The following ATAD1 variants were observed in gnomAD, a reference collection of about 807,000 sequenced individuals.
ATAD1 encodes outer mitochondrial transmembrane helix translocase.
In ATAD1, 18 loss-of-function variants were observed where a neutral mutation model predicts 42.7. The observed-to-expected ratio is 0.42, with a 90% CI of 0.29 to 0.63. The LOEUF is 0.63. ATAD1 is among the 20% of genes least tolerant of loss of function. The pLI, the probability that ATAD1 is intolerant of heterozygous loss-of-function variation, is 0.19. For synonymous variants in ATAD1, 132 were observed against 143.1 expected (o/e 0.92, Z 0.55); for missense variants, 294 against 440.4 (o/e 0.67, Z 2.98).
At chr10:87,804,258 T>G (rs947068381) in intron 2 of ATAD1, among the ~76,000 whole-genome samples, 1 of 152,344 alleles carries the variant, frequency 6.6e-6, no homozygotes, top group African/African-American at 2.4e-5. Context: ...TAGGAAGACG[T>G]TAAGTTAAAT....
At chr10:87,775,420 C>CAAAAAAAAAAAAA (rs35200026) in intron 6 of ATAD1, among the ~76,000 whole-genome samples, 1 of 24,058 alleles carries the variant, frequency 4.2e-5, no homozygotes, top group Non-Finnish European at 8.7e-5. Flanking sequence ...GACTCCATCT[C>CAAAAAAAAAAAAA]AAAAAAAAAA....
intron 2 of ATAD1, among the ~76,000 whole-genome samples, chr10:87,813,178 A>C (rs1857261778): frequency 6.6e-6 from 1 of 152,134 alleles, no homozygotes; most frequent in East Asian, 1.9e-4. Context: ...CTTAGAAGCC[A>C]AGGGGAAAAA....
intron 1 of ATAD1, among the ~76,000 whole-genome samples, chr10:87,835,884 C>T (rs1335174037): frequency 1.3e-5 from 2 of 152,074 alleles, no homozygotes; most frequent in Non-Finnish European, 2.9e-5. Flanking sequence ...TACTTAGAAT[C>T]AATATTTTAT....
Position 87,784,648 on chromosome 10 carries a change from T to C in ATAD1, c.405A>G (p.Pro135=), listed in dbSNP as rs768499078. Residue 135 remains proline (P), a synonymous_variant, in exon 5 of 10, where the codon CCA becomes CCG. Transcript: ENST00000680024. ...PPKGVLLYGP[P]GCGKTLIAKA... is the part of the protein sequence containing the mutation. The stretch of plus-strand genomic sequence containing the variant: ...TGGCAATCAACGTTTTACCACAGCC[T>C]GGAGGCCCATAGAGAAGAACACCTG... The C allele has an allele frequency of 1.2e-6, 2 of 1,612,784 alleles. No homozygotes were observed. The highest frequency in any genetic ancestry group is 2.7e-5 in the African/African-American group (2 of 74,894).
chr10:87,780,007 AG>A (rs1384060174), intron 5 of ATAD1, among the ~76,000 whole-genome samples: 1 of 152,340 alleles, frequency 6.6e-6, no homozygotes, highest in East Asian at 1.9e-4. Context: ...CTGTGTCCAC[AG>A]GAAAACCTAC....
chr10:87,782,897 T>C (rs538560619), intron 5 of ATAD1, among the ~76,000 whole-genome samples: 4 of 151,780 alleles, frequency 2.6e-5, no homozygotes, highest in Non-Finnish European at 4.4e-5. Context: ...ACTTGAAAGG[T>C]TGAGGCAGGA....
intron 2 of ATAD1, among the ~76,000 whole-genome samples, chr10:87,812,917 T>C (rs1290865306): frequency 6.6e-6 from 1 of 152,170 alleles, no homozygotes; most frequent in Non-Finnish European, 1.5e-5. Flanking sequence ...ACTACTATTT[T>C]CTCTAAGAGC....
upstream of ATAD1, among the ~76,000 whole-genome samples, chr10:87,819,805 A>T (rs933526308): frequency 6.6e-6 from 1 of 152,218 alleles, no homozygotes; most frequent in African/African-American, 2.4e-5. Context: ...TTTAAAATCT[A>T]GTTGAAAGTA....
At chr10:87,800,073 A>G (rs987019239) in intron 2 of ATAD1, among the ~76,000 whole-genome samples, 4 of 151,838 alleles carry the variant, frequency 2.6e-5, no homozygotes, top group Middle Eastern at 3.4e-3. Flanking sequence ...CTAAGACACA[A>G]TAAGAGGATT....
intron 3 of ATAD1, 122 bp from the exon 4 acceptor site, chr10:87,790,552 T>C (rs1856048482): frequency 9.5e-7 from 1 of 1,048,490 alleles, no homozygotes; most frequent in Admixed American, 3.5e-5. Flanking sequence ...TAAAATCATA[T>C]ATTAACATAA....
intron 7 of ATAD1, among the ~76,000 whole-genome samples, chr10:87,768,065 C>T (rs1351028204): frequency 6.6e-6 from 1 of 152,044 alleles, no homozygotes; most frequent in Admixed American, 6.6e-5. Context: ...ATGCAGGAAA[C>T]TCATGAAAAC....
chr10:87,792,848 CA>C, intron 2 of ATAD1, 93 bp from the exon 3 acceptor site: 1 of 914,570 alleles, frequency 1.1e-6, no homozygotes, highest in Non-Finnish European at 1.7e-6. Flanking sequence ...GAGCAATGAA[CA>C]GATAGATATA....
At chr10:87,783,797 T>C (rs1370420463) in intron 5 of ATAD1, among the ~76,000 whole-genome samples, 1 of 151,954 alleles carries the variant, frequency 6.6e-6, no homozygotes, top group African/African-American at 2.4e-5. Context: ...ATTAGATTCC[T>C]ATCTCATGTT....
intron 8 of ATAD1, among the ~76,000 whole-genome samples, chr10:87,759,171 C>G (rs916059406): frequency 1.3e-5 from 2 of 151,954 alleles, no homozygotes; most frequent in African/African-American, 2.4e-5. Context: ...CAGACACATA[C>G]AAGGATCTAA....
intron 1 of ATAD1, among the ~76,000 whole-genome samples, chr10:87,838,905 T>A (rs1857978992): frequency 6.6e-6 from 1 of 152,212 alleles, no homozygotes; most frequent in Non-Finnish European, 1.5e-5. Context: ...TTTTCGCCAT[T>A]CAGTCTATGG....
chr10:87,789,265 T>C (rs1007207839), intron 4 of ATAD1, among the ~76,000 whole-genome samples: 1 of 152,220 alleles, frequency 6.6e-6, no homozygotes, highest in South Asian at 2.1e-4. Flanking sequence ...ATCAAACCCA[T>C]ATAGTTTTGG....
intron 1 of ATAD1, among the ~76,000 whole-genome samples, chr10:87,829,372 C>T (rs1029000896): frequency 3.3e-5 from 5 of 152,006 alleles, no homozygotes; most frequent in Admixed American, 2.0e-4. Flanking sequence ...TCTCCTGCCT[C>T]AGCCTCCTGA....
chr10:87,836,849 G>A (rs532494599), intron 1 of ATAD1, among the ~76,000 whole-genome samples: 2 of 152,194 alleles, frequency 1.3e-5, no homozygotes, highest in East Asian at 3.9e-4. Flanking sequence ...AGTCCCTCAG[G>A]CACAGCTTTT....
intron 8 of ATAD1, among the ~76,000 whole-genome samples, chr10:87,763,470 A>G (rs1245885495): frequency 6.6e-6 from 1 of 152,218 alleles, no homozygotes; most frequent in Non-Finnish European, 1.5e-5. Context: ...ACCTGCCTGG[A>G]TAACAGAGCG....
Sources: allele counts gnomAD v4.1 joint callset (sites outside exome capture counted in the v4.1 genomes callset), GRCh38; gene constraint gnomAD v4.1.1; transcripts MANE v1.5; gene names NCBI Gene and HGNC (gene_info 2026-07-23, HGNC 2026-07-21).